Variants in JAKMIP3 observed in about 807,000 individuals in gnomAD.
The protein encoded by JAKMIP3 is Janus kinase and microtubule interacting protein 3.
JAKMIP3 carries 58 observed loss-of-function variants against 118.5 expected under a neutral mutation model. The observed-to-expected ratio is 0.49, with a 90% CI of 0.40 to 0.61. The LOEUF (loss-of-function observed/expected upper bound fraction) is 0.61, where lower values mean the gene tolerates loss of function less well. JAKMIP3 is among the 20% of genes least tolerant of loss of function. JAKMIP3 has a pLI of 0.00. For synonymous variants in JAKMIP3, 486 were observed against 451.2 expected (o/e 1.08, Z -0.98); for missense variants, 950 against 1,109.0 (o/e 0.86, Z 2.04).
chr10:132,112,296 G>C lies in JAKMIP3; in HGVS notation c.136-4781G>C, dbSNP rs1002069276. ...CCTCAGGTGTGGGAGCGGGGTCTCC[G>C]GGTGGTGGGAGATGCTGCCCAGAGA... On this transcript the variant is annotated intron_variant, in intron 2 of 23. Transcript: ENST00000684848. The surrounding 1 kb of genome is among the most constrained non-coding windows in gnomAD (Gnocchi z 4.3). Among the ~76,000 whole-genome samples the C allele has an allele frequency of 6.6e-6, 1 of 151,946 alleles. No individual in the cohort carries two copies. The highest frequency in any genetic ancestry group is 6.5e-5 in the Admixed American group (1 of 15,276).
intron 19 of JAKMIP3, among the ~76,000 whole-genome samples, chr10:132,154,787 A>G (rs1001704243): frequency 2.0e-5 from 3 of 151,662 alleles, no homozygotes; most frequent in Non-Finnish European, 1.5e-5. Context: ...GATAATGGTG[A>G]TGATGACAAT....
At chr10:132,166,947 T>G (rs1313117242) in intron 21 of JAKMIP3, 36 bp from the exon 22 acceptor site, 17 of 1,416,956 alleles carry the variant, frequency 1.2e-5, no homozygotes, top group Non-Finnish European at 1.7e-5. Context: ...TCTCTTTCTT[T>G]CCTTCCGTTT....
At chr10:132,124,934 C>T (rs1206181747) in intron 3 of JAKMIP3, among the ~76,000 whole-genome samples, 1 of 152,226 alleles carries the variant, frequency 6.6e-6, no homozygotes, top group African/African-American at 2.4e-5. Flanking sequence ...TGCCCATCTG[C>T]ATGTCACCTT....
chr10:132,139,450 A>G (rs1302044553), intron 9 of JAKMIP3, among the ~76,000 whole-genome samples: 3 of 103,982 alleles, frequency 2.9e-5, no homozygotes, highest in Admixed American at 1.1e-4. Context: ...ATGTGAGTGT[A>G]TATGTGTCTG....
chr10:132,061,366 A>T (rs2038393814), upstream of JAKMIP3, among the ~76,000 whole-genome samples: 1 of 152,234 alleles, frequency 6.6e-6, no homozygotes, highest in East Asian at 1.9e-4. Context: ...GAAAAGCTAT[A>T]TAATTTCGTT....
chr10:132,042,226 C>CTTCCTTCCTTCCT (rs1564848173), intron 1 of JAKMIP3, among the ~76,000 whole-genome samples: 3 of 146,800 alleles, frequency 2.0e-5, no homozygotes, highest in African/African-American at 5.0e-5. Flanking sequence ...TTCTTTCCTC[C>CTTCCTTCCTTCCT]TCCTCCTTTC....
intron 3 of JAKMIP3, among the ~76,000 whole-genome samples, chr10:132,127,392 TTGTG>T (rs145559558): frequency 6.9e-4 from 102 of 146,964 alleles, no homozygotes; most frequent in Middle Eastern, 3.5e-3. Flanking sequence ...CTGGCTAATT[TTGTG>T]TGTGTGTGTG....
intron 1 of JAKMIP3, among the ~76,000 whole-genome samples, chr10:132,079,691 GAACTTTCTCA>G (rs1317698217): frequency 3.9e-5 from 6 of 152,174 alleles, no homozygotes; most frequent in Non-Finnish European, 7.3e-5. Context: ...CCAATATCCA[GAACTTTCTCA>G]TCTTGTAAAA....
chr10:132,164,065 C>T (rs7896248), intron 20 of JAKMIP3, among the ~76,000 whole-genome samples: 62,233 of 152,164 alleles, frequency 0.41, 14,739 homozygotes, highest in Admixed American at 0.54. Flanking sequence ...ACACCACTAG[C>T]GAAGGCTTAG....
At chr10:132,119,258 G>A (rs1336029509) in intron 3 of JAKMIP3, among the ~76,000 whole-genome samples, 2 of 151,912 alleles carry the variant, frequency 1.3e-5, no homozygotes, top group Non-Finnish European at 2.9e-5. Context: ...TGTGTTCCCC[G>A]TTCTGTGGGT....
chr10:132,126,521 G>T (rs2814186), intron 3 of JAKMIP3, among the ~76,000 whole-genome samples: 119,521 of 151,928 alleles, frequency 0.79, 48,039 homozygotes, highest in East Asian at 0.99. Flanking sequence ...CAGGCTGGTC[G>T]TGAACTCCTG....
intron 1 of JAKMIP3, among the ~76,000 whole-genome samples, chr10:132,046,507 C>G (rs773724647): frequency 5.9e-5 from 9 of 151,814 alleles, no homozygotes; most frequent in Admixed American, 2.0e-4. Flanking sequence ...ACCTGGCTTT[C>G]TGTTCTCAGC....
At position 132,177,958 on chromosome 10, in the gene JAKMIP3, G is replaced by A. The variant is rs538739408; in HGVS notation, c.*1104-4399G>A. Among the ~76,000 whole-genome samples the A allele has an allele frequency of 6.2e-4, 89 of 143,488 alleles. 1 individual carries two copies. The highest frequency in any genetic ancestry group is 3.4e-3 in the Admixed American group (49 of 14,514). The allele number at this position is 143,488 out of a possible 152,430, so 94.1% of individuals were successfully genotyped here. A position where few individuals can be genotyped will look rare whatever the true frequency, so the allele number is the denominator to read the frequency against. On this transcript the variant is annotated intron_variant, in intron 23 of 23. Transcript: ENST00000684848. ...TGCTCCTGTGCCCTGGGTAGTGTGC[G>A]TGTATGTGTGCACCTGCTCTTGTGC... is the stretch of plus-strand genomic sequence containing the variant.
chr10:132,180,550 C>CGTGTGTGTGT lies in JAKMIP3; in HGVS notation c.*1104-1804_*1104-1803insTGTGTGTGTG, dbSNP rs1158667097. Reference sequence around the variant, plus strand: ...GTGTGTGTGTGTGTGTGTGTGCGTGCGTGCATGCGTGTGTGTGCGTGTGTG... The same window carrying CGTGTGTGTGT: ...GTGTGTGTGTGTGTGTGTGTGCGTGCGTGTGTGTGTGTGCATGCGTGTGTGTGCGTGTGTG... On this transcript the variant is annotated intron_variant, in intron 23 of 23. Transcript: ENST00000684848. Among the ~76,000 whole-genome samples, 3 of 6,356 alleles carry CGTGTGTGTGT rather than the reference C, an allele frequency of 4.7e-4. 1 individual carries two copies. The highest frequency in any genetic ancestry group is 2.5e-3 in the African/African-American group (3 of 1,210). 4.2% of individuals were successfully genotyped at this position (6,356 alleles called of 152,430 possible).
At chr10:132,131,955 A>ATC in intron 3 of JAKMIP3, among the ~76,000 whole-genome samples, 1 of 152,190 alleles carries the variant, frequency 6.6e-6, no homozygotes, top group Non-Finnish European at 1.5e-5. Context: ...CACCGTGAGC[A>ATC]AGGTGGGGGC....
chr10:132,112,994 A>G lies in JAKMIP3; in HGVS notation c.136-4083A>G, dbSNP rs899428483. 2.6e-5 allele frequency among the ~76,000 whole-genome samples: 4 copies of G among 152,172 alleles called. No individual in the cohort carries two copies. Among genetic ancestry groups the G allele is most frequent in the African/African-American group, 7.2e-5 (3 of 41,432 alleles). On this transcript the variant is annotated intron_variant, in intron 2 of 23. Coordinates refer to ENST00000684848, the MANE Select transcript of JAKMIP3 (RefSeq NM_001323087.2). This position sits in a 1 kb window ranked among gnomAD's most constrained non-coding sequence, Gnocchi z 4.3. ...GGGTTTGAAAGACTGTGACCGTCCCACTTTCTAAAGCGTGACTTACTGAAA... is the reference window on the plus strand; with the variant it reads ...GGGTTTGAAAGACTGTGACCGTCCCGCTTTCTAAAGCGTGACTTACTGAAA...
chr10:132,079,852 T>C (rs1168054840), intron 1 of JAKMIP3, among the ~76,000 whole-genome samples: 2 of 152,228 alleles, frequency 1.3e-5, no homozygotes, highest in Non-Finnish European at 2.9e-5. Flanking sequence ...TTTTCTTCCT[T>C]CTTAAGGCTG....
intron 23 of JAKMIP3, among the ~76,000 whole-genome samples, chr10:132,171,606 C>T (rs1038421776): frequency 7.9e-5 from 12 of 151,990 alleles, no homozygotes; most frequent in African/African-American, 2.9e-4. Context: ...GTCCTGTGTA[C>T]CCTTCAGCCT....
At chr10:132,141,603 C>T (rs1264323002) in intron 10 of JAKMIP3, among the ~76,000 whole-genome samples, 1 of 152,126 alleles carries the variant, frequency 6.6e-6, no homozygotes, top group Non-Finnish European at 1.5e-5. Flanking sequence ...CAAGCAGGAG[C>T]CCCAGCTGAG....
Sources: gnomAD v4.1 joint callset for allele counts (sites outside exome capture counted in the v4.1 genomes callset) on GRCh38, gnomAD v4.1.1 for gene constraint, Gnocchi (gnomAD v3.1) non-coding constraint, MANE v1.5 for transcripts, NCBI Gene and HGNC (gene_info 2026-07-23, HGNC 2026-07-21) for gene names.